The following UNC5C variants were observed in gnomAD, a reference collection of about 807,000 sequenced individuals.
The protein encoded by UNC5C is unc-5 netrin receptor C.
A neutral mutation model predicts 99.8 loss-of-function variants in UNC5C; 47 were observed. The ratio of observed to expected loss-of-function variants is 0.47; its 90% CI spans 0.37 to 0.60. The LOEUF is 0.60. Among genes scored for constraint, UNC5C ranks in the 20% least tolerant of loss-of-function variants. UNC5C has a pLI of 0.00. For missense variants in UNC5C, 1,062 were observed against 1,165.9 expected, an observed-to-expected ratio of 0.91 and a Z score of 1.30; for synonymous variants, 487 against 452.2, an observed-to-expected ratio of 1.08 and a Z score of -0.98.
At chr4:95,331,079 C>A (rs1222127769) in intron 2 of UNC5C, among the ~76,000 whole-genome samples, 1 of 152,072 alleles carries the variant, frequency 6.6e-6, no homozygotes, top group Non-Finnish European at 1.5e-5. Flanking sequence ...TAATATATTT[C>A]TGGGTCTGAG....
At chr4:95,364,158 T>A (rs1194337120) in intron 1 of UNC5C, among the ~76,000 whole-genome samples, 1 of 152,094 alleles carries the variant, frequency 6.6e-6, no homozygotes, top group African/African-American at 2.4e-5. Flanking sequence ...ATACCAAAGG[T>A]CTGAAGGCTG....
chr4:95,470,377 T>C (rs1578180959), intron 1 of UNC5C, among the ~76,000 whole-genome samples: 2 of 152,114 alleles, frequency 1.3e-5, no homozygotes, highest in South Asian at 2.1e-4. Context: ...GAAGAATAAA[T>C]GAACAAATTA....
intron 4 of UNC5C, among the ~76,000 whole-genome samples, chr4:95,267,938 T>A (rs1740506839): frequency 7.1e-6 from 1 of 140,960 alleles, no homozygotes; most frequent in Non-Finnish European, 1.5e-5. Context: ...TCCTGTAGGC[T>A]GAATTTTGTG....
At chr4:95,177,098 G>A (rs970112531) in intron 14 of UNC5C, among the ~76,000 whole-genome samples, 6 of 152,106 alleles carry the variant, frequency 3.9e-5, no homozygotes, top group South Asian at 2.1e-4. Context: ...GCCCTCCTTC[G>A]GCTCACGCAC....
At chr4:95,172,716 A>T (rs549773720) in intron 14 of UNC5C, among the ~76,000 whole-genome samples, 41 of 150,710 alleles carry the variant, frequency 2.7e-4, no homozygotes, top group Middle Eastern at 3.2e-3. Flanking sequence ...TTGACTTGGC[A>T]ATGCGGGCTC....
intron 14 of UNC5C, among the ~76,000 whole-genome samples, chr4:95,181,780 G>A (rs1014596070): frequency 1.3e-5 from 2 of 152,218 alleles, no homozygotes; most frequent in Non-Finnish European, 1.5e-5. Flanking sequence ...AAAGAAAGAA[G>A]GATGGAGTGT....
intron 1 of UNC5C, among the ~76,000 whole-genome samples, chr4:95,352,487 C>T (rs1207832966): frequency 6.6e-6 from 1 of 152,160 alleles, no homozygotes; most frequent in Non-Finnish European, 1.5e-5. Flanking sequence ...CTATCATTTT[C>T]TCAAATTTGC....
chr4:95,310,668 T>A (rs1742243751), intron 2 of UNC5C, among the ~76,000 whole-genome samples: 1 of 152,024 alleles, frequency 6.6e-6, no homozygotes, highest in African/African-American at 2.4e-5. Context: ...GGTCATTGAC[T>A]CAATTCCTTT....
intron 1 of UNC5C, among the ~76,000 whole-genome samples, chr4:95,396,902 A>C (rs1745528808): frequency 6.6e-6 from 1 of 152,176 alleles, no homozygotes; most frequent in Non-Finnish European, 1.5e-5. Context: ...TACTGTCATT[A>C]TACCAAGTTT....
At chr4:95,351,331 C>CTTTT (rs34484505) in intron 1 of UNC5C, among the ~76,000 whole-genome samples, 1 of 146,366 alleles carries the variant, frequency 6.8e-6, no homozygotes, top group African/African-American at 2.5e-5. Context: ...TAGGGTTAGG[C>CTTTT]TTTTTTTTTT....
intron 1 of UNC5C, among the ~76,000 whole-genome samples, chr4:95,474,365 A>G (rs1412935722): frequency 6.6e-6 from 1 of 152,094 alleles, no homozygotes; most frequent in Non-Finnish European, 1.5e-5. Flanking sequence ...ATCTCTGCTC[A>G]CTGCAACCTC....
Position 95,400,389 on chromosome 4 carries a change from T to C in UNC5C, c.125-64758A>G, listed in dbSNP as rs1355231723. ...CAGCCACAGTGAGATGAATTCTTTTTTTTTTTTTTTTTTTTTTTTTTTGAG... is the reference window on the plus strand; with the variant it reads ...CAGCCACAGTGAGATGAATTCTTTTCTTTTTTTTTTTTTTTTTTTTTTGAG... On this transcript the variant is annotated intron_variant, in intron 1 of 15. Coordinates refer to ENST00000453304, the MANE Select transcript of UNC5C (RefSeq NM_003728.4). Among the ~76,000 whole-genome samples, 7 of 112,378 alleles carry C rather than the reference T, an allele frequency of 6.2e-5. No individual in the cohort carries two copies. In the East Asian group the frequency reaches 2.2e-3, roughly 36 times the overall value. The allele number at this position is 112,378 out of a possible 152,430, so 73.7% of individuals were successfully genotyped here.
At chr4:95,336,714 G>A (rs1487873188) in intron 1 of UNC5C, among the ~76,000 whole-genome samples, 1 of 151,856 alleles carries the variant, frequency 6.6e-6, no homozygotes, top group East Asian at 1.9e-4. Flanking sequence ...CTGTTTTGCA[G>A]TAAAAATTGA....
chr4:95,231,491 A>G (rs1216323611), intron 7 of UNC5C, among the ~76,000 whole-genome samples: 2 of 152,320 alleles, frequency 1.3e-5, no homozygotes, highest in East Asian at 3.9e-4. Flanking sequence ...TAAGTCCACT[A>G]GGCTACTTGA....
At chr4:95,532,363 A>G (rs1722670049) in intron 1 of UNC5C, among the ~76,000 whole-genome samples, 1 of 152,006 alleles carries the variant, frequency 6.6e-6, no homozygotes, top group South Asian at 2.1e-4. Flanking sequence ...GGGAAGTTTC[A>G]ATGAACTTTA....
At chr4:95,451,948 G>A (rs958294956) in intron 1 of UNC5C, among the ~76,000 whole-genome samples, 7 of 152,026 alleles carry the variant, frequency 4.6e-5, no homozygotes, top group Non-Finnish European at 1.0e-4. Flanking sequence ...AAACATGGTC[G>A]TGTCTGTAAG....
intron 8 of UNC5C, 42 bp from the exon 9 acceptor site, chr4:95,219,355 T>G (rs1181049701): frequency 6.3e-7 from 1 of 1,576,342 alleles, no homozygotes; most frequent in Non-Finnish European, 8.6e-7. Context: ...CATTCTCCAT[T>G]CAGGCCAACC....
At chr4:95,189,726 A>G (rs1032741710) in intron 12 of UNC5C, among the ~76,000 whole-genome samples, 13 of 152,248 alleles carry the variant, frequency 8.5e-5, no homozygotes, top group African/African-American at 3.1e-4. Flanking sequence ...TGCAGTCAAC[A>G]GACACATGAA....
In UNC5C at chr4:95,169,324, T is replaced by C. The variant is rs774512139; in HGVS notation, c.2706A>G (p.Pro902=). ...ILDLWEAQNF[P]DGNLSMLAAV... ...CTGCCAGCATGCTCAGGTTTCCATC[T>C]GGGAAGTTCTGTGCTTCCCAAAGAT... The change falls in exon 16 of 16, where the codon CCA becomes CCG. Residue 902 remains proline (P), a synonymous_variant. Coordinates refer to ENST00000453304, the MANE Select transcript of UNC5C (RefSeq NM_003728.4). 2 of 1,614,152 alleles carry C rather than the reference T, an allele frequency of 1.2e-6. No homozygotes were observed. Among genetic ancestry groups the C allele is most frequent in the African/African-American group, 2.7e-5 (2 of 74,950 alleles).
Sources: allele counts gnomAD v4.1 joint callset (sites outside exome capture counted in the v4.1 genomes callset), GRCh38; gene constraint gnomAD v4.1.1; transcripts MANE v1.5; gene names NCBI Gene and HGNC (gene_info 2026-07-23, HGNC 2026-07-21).